The following PIGN variants were observed in gnomAD, a reference collection of about 807,000 sequenced individuals.
PIGN encodes phosphatidylinositol glycan anchor biosynthesis class N.
In PIGN, 117 loss-of-function variants were observed where a neutral mutation model predicts 125.4. The observed-to-expected ratio is 0.93, with a 90% CI of 0.80 to 1.09. The LOEUF (loss-of-function observed/expected upper bound fraction) is 1.09, where lower values mean the gene tolerates loss of function less well. PIGN is among the 50% of genes least tolerant of loss of function. PIGN has a pLI of 0.00. For missense variants in PIGN, 1,075 were observed against 1,094.9 expected (o/e 0.98, Z 0.26); for synonymous variants, 392 against 377.8 (o/e 1.04, Z -0.44).
At chr18:62,049,990 G>T (rs2031132615) in intron 30 of PIGN, among the ~76,000 whole-genome samples, 1 of 151,274 alleles carries the variant, frequency 6.6e-6, no homozygotes, top group African/African-American at 2.4e-5. Context: ...TCTCAGGTTT[G>T]TCAAAGATCA....
intron 30 of PIGN, among the ~76,000 whole-genome samples, chr18:62,060,427 T>A (rs1299650894): frequency 6.6e-6 from 1 of 152,204 alleles, no homozygotes; most frequent in Non-Finnish European, 1.5e-5. Context: ...TGATGGGCGA[T>A]AGAAGCAGGT....
At chr18:62,138,458 T>C (rs1392703683) in intron 13 of PIGN, among the ~76,000 whole-genome samples, 160 bp from the exon 14 acceptor site, 2 of 152,164 alleles carry the variant, frequency 1.3e-5, no homozygotes, top group Non-Finnish European at 2.9e-5. Flanking sequence ...TAAAGAAAAA[T>C]TTAACATTTT....
Position 62,045,964 on chromosome 18 carries a change from C to G in PIGN, c.2688G>C (p.Val896=). 1 of 1,612,836 alleles carries G rather than the reference C, an allele frequency of 6.2e-7. No homozygotes were observed. Among genetic ancestry groups the G allele is most frequent in the Non-Finnish European group, 8.5e-7 (1 of 1,179,340 alleles). Residue 896 remains valine (V), a synonymous_variant, in exon 31 of 31, where the codon GTG becomes GTC. Transcript: ENST00000640252. ...LDIGTSISHY[V]IVMSMTIFLV... is the part of the protein sequence containing the mutation. Reference sequence around the variant, plus strand: ...AAAAGATGGTCATGGACATGACAATCACATAGTGGCTGATGCTGCAAAAGG... The same window carrying G: ...AAAAGATGGTCATGGACATGACAATGACATAGTGGCTGATGCTGCAAAAGG...
chr18:62,033,140 G>C (rs138885214), intron 23 of PIGN, among the ~76,000 whole-genome samples: 1 of 152,336 alleles, frequency 6.6e-6, no homozygotes, highest in Non-Finnish European at 1.5e-5. Context: ...CCCCAGCTGG[G>C]CTGCTAAGAA....
chr18:62,121,424 TTGAA>T (rs1366752875), intron 14 of PIGN, among the ~76,000 whole-genome samples: 1 of 152,184 alleles, frequency 6.6e-6, no homozygotes, highest in African/African-American at 2.4e-5. Flanking sequence ...TGATAATCTA[TTGAA>T]TATTATTCAA....
At chr18:62,176,855 G>A (rs900690458) in intron 1 of PIGN, among the ~76,000 whole-genome samples, 1 of 152,006 alleles carries the variant, frequency 6.6e-6, no homozygotes, top group Non-Finnish European at 1.5e-5. Context: ...ATAATTATAT[G>A]ATGTTTACAT....
chr18:62,048,972 G>C (rs1355852553), intron 30 of PIGN, among the ~76,000 whole-genome samples: 5 of 151,466 alleles, frequency 3.3e-5, no homozygotes, highest in Admixed American at 2.0e-4. Flanking sequence ...TTGTCCTTGC[G>C]ATAGTTTACT....
chr18:62,145,038 G>A (rs552799641), intron 10 of PIGN, among the ~76,000 whole-genome samples: 1 of 151,500 alleles, frequency 6.6e-6, no homozygotes, highest in Admixed American at 6.6e-5. Flanking sequence ...GGAGAAAGGA[G>A]CCCAGTCCTA....
chr18:62,048,061 T>C (rs1428640580), intron 30 of PIGN, among the ~76,000 whole-genome samples: 1 of 151,534 alleles, frequency 6.6e-6, no homozygotes, highest in African/African-American at 2.4e-5. Flanking sequence ...ATAACCAAAA[T>C]AAAAATTTCC....
At chr18:62,106,006 A>C (rs2034624243) in intron 19 of PIGN, among the ~76,000 whole-genome samples, 1 of 152,210 alleles carries the variant, frequency 6.6e-6, no homozygotes, top group Admixed American at 6.5e-5. Flanking sequence ...TAAAATAACC[A>C]GTATTTAAAC....
Position 62,090,587 on chromosome 18 carries a change from T to C in PIGN, c.2181-9A>G. On this transcript the variant is annotated splice_polypyrimidine_tract_variant and intron_variant, in intron 23 of 30. Transcript: ENST00000640252. ...GAAAGAGAGCTTCATACCTAACAGG[T>C]GGGGAAAGGTAGAAATGAAAAGAAA... 6.6e-7 allele frequency: 1 copy of C among 1,504,366 alleles called. No individual in the cohort carries two copies. Among genetic ancestry groups the C allele is most frequent in the Non-Finnish European group, 9.2e-7 (1 of 1,087,488 alleles). The allele number at this position is 1,504,366 out of a possible 1,614,324, so 93.2% of individuals were successfully genotyped here. A position where few individuals can be genotyped will look rare whatever the true frequency, so the allele number is the denominator to read the frequency against.
At chr18:62,105,664 C>T (rs2034609876) in intron 19 of PIGN, 30 bp from the exon 20 acceptor site, 1 of 1,299,000 alleles carries the variant, frequency 7.7e-7, no homozygotes, top group Non-Finnish European at 1.1e-6. Context: ...TATCTTTAGA[C>T]AAATATGGTA....
rs2298784 is a variant in PIGN at position 62,109,920 on chromosome 18, T to C, written c.1488A>G (p.Ala496=). ...CSFVAIGILV[A]FFLLIQACPW... ...GACAGGCTTGAATCAGCAGAAAAAATGCTACTAAAATGCCAATAGCTACAA... is the reference window on the plus strand; with the variant it reads ...GACAGGCTTGAATCAGCAGAAAAAACGCTACTAAAATGCCAATAGCTACAA... Residue 496 remains alanine, a synonymous_variant, in exon 17 of 31, where the codon GCA becomes GCG. Transcript: ENST00000640252. 9,838 of 1,613,146 alleles carry C rather than the reference T, an allele frequency of 6.1e-3. 283 individuals carry two copies. In the East Asian group the frequency reaches 0.072, roughly 12 times the overall value.
At chr18:62,119,997 A>C (rs1016306827) in intron 14 of PIGN, among the ~76,000 whole-genome samples, 5 of 152,212 alleles carry the variant, frequency 3.3e-5, no homozygotes, top group Non-Finnish European at 5.9e-5. Context: ...TGTAATTGGA[A>C]TACCAGAGAG....
At chr18:62,175,063 A>T (rs2037476614) in intron 1 of PIGN, among the ~76,000 whole-genome samples, 2 of 107,486 alleles carry the variant, frequency 1.9e-5, no homozygotes. Flanking sequence ...TTTTATATAT[A>T]ATAAATATAT....
chr18:62,094,051 TTAAAA>T (rs2034077069), intron 23 of PIGN, among the ~76,000 whole-genome samples: 1 of 152,122 alleles, frequency 6.6e-6, no homozygotes, highest in South Asian at 2.1e-4. Flanking sequence ...TTAGATTTTC[TTAAAA>T]TAAGTTATGA....
At chr18:62,172,251 A>G (rs2037368291) in intron 1 of PIGN, among the ~76,000 whole-genome samples, 1 of 152,150 alleles carries the variant, frequency 6.6e-6, no homozygotes, top group East Asian at 1.9e-4. Context: ...TATTGACTAA[A>G]ATTGTCCATA....
At chr18:62,096,516 C>CTTTTTTTTTTTTTTTTTTTTTTTTTTT (rs398033140) in intron 22 of PIGN, among the ~76,000 whole-genome samples, 1 of 85,668 alleles carries the variant, frequency 1.2e-5, no homozygotes. Context: ...GAATTATTTT[C>CTTTTTTTTTTTTTTTTTTTTTTTTTTT]TTTTTTTTTT....
chr18:62,131,639 T>C (rs189486004), intron 14 of PIGN, among the ~76,000 whole-genome samples: 1 of 152,252 alleles, frequency 6.6e-6, no homozygotes, highest in East Asian at 1.9e-4. Context: ...GTCTTTAAAA[T>C]ATCAAAGAGA....
Sources: allele counts gnomAD v4.1 joint callset (sites outside exome capture counted in the v4.1 genomes callset), GRCh38; gene constraint gnomAD v4.1.1; transcripts MANE v1.5; gene names NCBI Gene and HGNC (gene_info 2026-07-23, HGNC 2026-07-21).